The following CTNNA3 variants were observed in gnomAD, a reference collection of about 807,000 sequenced individuals.
CTNNA3 encodes the protein catenin alpha 3, also known as catenin alpha-3.
A neutral mutation model predicts 95.7 loss-of-function variants in CTNNA3; 76 were observed. The observed-to-expected ratio is 0.79, with a 90% CI of 0.66 to 0.96. CTNNA3 has a LOEUF of 0.96. CTNNA3 is among the 40% of genes least tolerant of loss of function. The pLI is 0.00. For missense variants in CTNNA3, 1,191 were observed against 1,089.8 expected, an observed-to-expected ratio of 1.09 and a Z score of -1.31; for synonymous variants, 431 against 374.4, an observed-to-expected ratio of 1.15 and a Z score of -1.74.
At chr10:66,439,657 C>A (rs189707375) in intron 11 of CTNNA3, among the ~76,000 whole-genome samples, 1 of 151,878 alleles carries the variant, frequency 6.6e-6, no homozygotes, top group African/African-American at 2.4e-5. Flanking sequence ...GAGGAATATC[C>A]GGCTAATAAA....
intron 7 of CTNNA3, chr10:67,012,155 ACAGAAGGGGAAAAC>A: frequency 6.6e-6 from 1 of 152,298 alleles, no homozygotes; most frequent in South Asian, 2.1e-4. Flanking sequence ...CACTGTACTG[ACAGAAGGGGAAAAC>A]CCTACAGTGT....
At chr10:67,164,099 T>G (rs912428122) in intron 7 of CTNNA3, among the ~76,000 whole-genome samples, 2 of 151,840 alleles carry the variant, frequency 1.3e-5, no homozygotes, top group Non-Finnish European at 2.9e-5. Context: ...GAAAAAAATT[T>G]TAGACATTAA....
chr10:67,532,625 T>C (rs1399400845), intron 4 of CTNNA3, among the ~76,000 whole-genome samples: 1 of 152,172 alleles, frequency 6.6e-6, no homozygotes, highest in Non-Finnish European at 1.5e-5. Context: ...TTCAACTCAA[T>C]AGTCAAATTT....
chr10:66,626,060 C>A (rs1168449570), intron 9 of CTNNA3, among the ~76,000 whole-genome samples: 1 of 152,120 alleles, frequency 6.6e-6, no homozygotes, highest in Non-Finnish European at 1.5e-5. Context: ...TTGTTCTAAT[C>A]TGGTAAAGAT....
intron 13 of CTNNA3, among the ~76,000 whole-genome samples, chr10:66,187,530 C>T (rs2086408953): frequency 6.6e-6 from 1 of 151,240 alleles, no homozygotes; most frequent in Admixed American, 6.6e-5. Context: ...GAAGTGAGGC[C>T]TAAAGTGGTG....
At chr10:67,389,306 G>C (rs1476590409) in intron 5 of CTNNA3, among the ~76,000 whole-genome samples, 2 of 151,124 alleles carry the variant, frequency 1.3e-5, no homozygotes, top group Non-Finnish European at 3.0e-5. Flanking sequence ...GATCAAAACA[G>C]ACAAAGAAGG....
At chr10:66,321,835 G>A (rs540001046) in intron 12 of CTNNA3, among the ~76,000 whole-genome samples, 5 of 152,216 alleles carry the variant, frequency 3.3e-5, no homozygotes, top group Admixed American at 1.3e-4. Context: ...GGAAATGTGC[G>A]TATGCTATAT....
intron 9 of CTNNA3, among the ~76,000 whole-genome samples, chr10:66,761,551 G>C (rs898165817): frequency 6.6e-5 from 10 of 151,998 alleles, no homozygotes; most frequent in African/African-American, 2.4e-4. Context: ...AGCATGAATT[G>C]ACTTGCAGAA....
intron 5 of CTNNA3, among the ~76,000 whole-genome samples, chr10:67,512,827 A>T (rs1339237934): frequency 6.6e-6 from 1 of 151,998 alleles, no homozygotes; most frequent in African/African-American, 2.4e-5. Context: ...TCTACTAAAA[A>T]TACAAAAATT....
At chr10:66,403,856 G>A (rs906642847) in intron 11 of CTNNA3, among the ~76,000 whole-genome samples, 2 of 152,130 alleles carry the variant, frequency 1.3e-5, no homozygotes, top group Non-Finnish European at 1.5e-5. Flanking sequence ...CTAACTTTGC[G>A]AGGAATTTAT....
chr10:66,854,794 G>C (rs1843627866), intron 7 of CTNNA3, among the ~76,000 whole-genome samples: 1 of 151,150 alleles, frequency 6.6e-6, no homozygotes, highest in Admixed American at 6.6e-5. Flanking sequence ...GCAAGTTATA[G>C]TTAAATCTAG....
At chr10:67,469,613 G>A (rs920316697) in intron 5 of CTNNA3, among the ~76,000 whole-genome samples, 3 of 150,680 alleles carry the variant, frequency 2.0e-5, no homozygotes, top group Admixed American at 6.6e-5. Context: ...CTGTCGGGGG[G>A]TGGGGGGCTA....
At chr10:67,331,518 G>A (rs1004618363) in intron 5 of CTNNA3, among the ~76,000 whole-genome samples, 1 of 151,996 alleles carries the variant, frequency 6.6e-6, no homozygotes, top group Non-Finnish European at 1.5e-5. Flanking sequence ...TCCTCCAACT[G>A]GGGGAGGGCC....
intron 9 of CTNNA3, among the ~76,000 whole-genome samples, chr10:66,652,520 C>T (rs1018025702): frequency 5.3e-5 from 8 of 151,940 alleles, no homozygotes; most frequent in Non-Finnish European, 8.8e-5. Context: ...TCAAAGAAAA[C>T]CCAGGACCAG....
chr10:66,683,504 A>T (rs1300711824), intron 9 of CTNNA3, among the ~76,000 whole-genome samples: 2 of 152,174 alleles, frequency 1.3e-5, no homozygotes, highest in Non-Finnish European at 2.9e-5. Flanking sequence ...GTGGGCCAGC[A>T]TGTATTATGG....
chr10:66,859,575 A>C (rs1843822612), intron 7 of CTNNA3, among the ~76,000 whole-genome samples: 1 of 150,804 alleles, frequency 6.6e-6, no homozygotes, highest in African/African-American at 2.4e-5. Context: ...GTGGGACTGT[A>C]AACTAGTTCA....
chr10:66,611,553 G>A (rs1844330521), intron 10 of CTNNA3, among the ~76,000 whole-genome samples: 1 of 152,028 alleles, frequency 6.6e-6, no homozygotes, highest in Admixed American at 6.6e-5. Context: ...TTCAATTTAA[G>A]GGGGAAAAAA....
In CTNNA3 at chr10:66,012,114, T is replaced by C. The variant is rs181488120; in HGVS notation, c.2160-23317A>G. Among the ~76,000 whole-genome samples the C allele has an allele frequency of 8.9e-3, 1,358 of 152,300 alleles. 18 individuals carry two copies. Among genetic ancestry groups the C allele is most frequent in the African/African-American group, 0.031 (1,269 of 41,558 alleles). On this transcript the variant is annotated intron_variant, in intron 15 of 17. Transcript: ENST00000433211. ...ATTTATTCATTAAATTTATTTATAG[T>C]GCACTTTTACCATAGACCAGGAGTT...
At chr10:66,973,664 C>T (rs572112311) in intron 7 of CTNNA3, among the ~76,000 whole-genome samples, 1 of 152,116 alleles carries the variant, frequency 6.6e-6, no homozygotes, top group Non-Finnish European at 1.5e-5. Context: ...CTCACTGTCA[C>T]CCCAGCTGGA....
Sources: allele counts gnomAD v4.1 joint callset (sites outside exome capture counted in the v4.1 genomes callset), GRCh38; gene constraint gnomAD v4.1.1; transcripts MANE v1.5; gene names NCBI Gene and HGNC (gene_info 2026-07-23, HGNC 2026-07-21).